Variants in DLG2 observed in about 807,000 individuals in gnomAD.
DLG2 encodes disks large homolog 2.
A neutral mutation model predicts 132.5 loss-of-function variants in DLG2; 45 were observed. The observed-to-expected ratio is 0.34, with a 90% CI of 0.27 to 0.44. The LOEUF (loss-of-function observed/expected upper bound fraction) is 0.44. Ranked by LOEUF, DLG2 falls within the 20% of genes least tolerant of loss-of-function variation. DLG2 has a pLI of 1.00. For missense variants in DLG2, 1,045 were observed against 1,196.9 expected, an observed-to-expected ratio of 0.87 and a Z score of 1.87; for synonymous variants, 424 against 419.6, an observed-to-expected ratio of 1.01 and a Z score of -0.13.
intron 7 of DLG2, among the ~76,000 whole-genome samples, chr11:84,378,953 C>A (rs2098739911): frequency 6.6e-6 from 1 of 150,934 alleles, no homozygotes; most frequent in South Asian, 2.1e-4. Flanking sequence ...TCAAAAACAT[C>A]TCAAAAACAA....
chr11:85,436,486 A>C (rs770774423), intron 3 of DLG2, among the ~76,000 whole-genome samples: 2 of 152,238 alleles, frequency 1.3e-5, no homozygotes, highest in Non-Finnish European at 2.9e-5. Flanking sequence ...AACTCCATTC[A>C]AAAGGGGGCA....
intron 19 of DLG2, among the ~76,000 whole-genome samples, chr11:83,628,871 C>T (rs930745002): frequency 1.3e-4 from 20 of 152,060 alleles, no homozygotes; most frequent in Non-Finnish European, 1.5e-5. Context: ...AGTTAATGAG[C>T]TATGATCTCC....
rs1195003315 is a variant in DLG2, at chr11:84,067,310, G to C, written c.750-7826C>G. On this transcript the variant is annotated intron_variant, in intron 10 of 27. Coordinates refer to ENST00000376104, the MANE Select transcript of DLG2 (RefSeq NM_001142699.3). ...GACCGCGCCACTGCACTCCATCCTGGGTAACAGAGCGAGACACCATCTCCA... is the reference window on the plus strand; with the variant it reads ...GACCGCGCCACTGCACTCCATCCTGCGTAACAGAGCGAGACACCATCTCCA... 3.3e-5 allele frequency among the ~76,000 whole-genome samples: 5 copies of C among 152,008 alleles called. No homozygotes were observed. The East Asian group carries it at 9.7e-4, about 29-fold the overall frequency.
intron 6 of DLG2, among the ~76,000 whole-genome samples, chr11:85,096,507 C>G (rs945054061): frequency 6.6e-6 from 1 of 151,832 alleles, no homozygotes; most frequent in African/African-American, 2.4e-5. Context: ...AAGGAAGAAA[C>G]TCCAGGCACC....
chr11:84,183,148 T>A (rs1442116745), intron 8 of DLG2, among the ~76,000 whole-genome samples: 1 of 152,142 alleles, frequency 6.6e-6, no homozygotes, highest in East Asian at 1.9e-4. Context: ...CAAAGGTGAA[T>A]CCTAACAATC....
At chr11:83,946,897 A>T (rs1417194256) in intron 14 of DLG2, among the ~76,000 whole-genome samples, 1 of 152,154 alleles carries the variant, frequency 6.6e-6, no homozygotes, top group Non-Finnish European at 1.5e-5. Flanking sequence ...CTCAGTTGCA[A>T]CTCCAACATA....
At chr11:84,894,411 C>T (rs987745902) in intron 6 of DLG2, among the ~76,000 whole-genome samples, 7 of 152,032 alleles carry the variant, frequency 4.6e-5, no homozygotes, top group South Asian at 2.1e-4. Flanking sequence ...TTCATGAATC[C>T]GCTATTCTTG....
At chr11:83,551,918 G>A in intron 19 of DLG2, among the ~76,000 whole-genome samples, 1 of 152,138 alleles carries the variant, frequency 6.6e-6, no homozygotes, top group East Asian at 1.9e-4. Flanking sequence ...TCCTACAGTT[G>A]TACAGCTTGA....
intron 3 of DLG2, among the ~76,000 whole-genome samples, chr11:85,482,152 T>G (rs916914478): frequency 1.3e-5 from 2 of 151,544 alleles, no homozygotes; most frequent in Admixed American, 6.6e-5. Context: ...GTCCCAAGCT[T>G]CAGGCCCACT....
chr11:83,480,867 A>C (rs1172700857), intron 22 of DLG2, among the ~76,000 whole-genome samples: 2 of 152,052 alleles, frequency 1.3e-5, no homozygotes, highest in East Asian at 3.9e-4. Flanking sequence ...TTTTGCTGGA[A>C]CGCTGCTCAA....
intron 3 of DLG2, among the ~76,000 whole-genome samples, chr11:85,465,902 A>T (rs2092772715): frequency 2.6e-5 from 4 of 151,980 alleles, no homozygotes; most frequent in Admixed American, 6.6e-5. Context: ...CAATGGTTGA[A>T]CTAGTTTACA....
chr11:85,423,359 C>T (rs2090467412), intron 3 of DLG2, among the ~76,000 whole-genome samples: 1 of 152,194 alleles, frequency 6.6e-6, no homozygotes, highest in Non-Finnish European at 1.5e-5. Flanking sequence ...GATCCTGTGA[C>T]AGTTCTTAGC....
intron 7 of DLG2, among the ~76,000 whole-genome samples, chr11:84,257,114 T>C (rs757622673): frequency 5.9e-5 from 9 of 152,186 alleles, no homozygotes; most frequent in Non-Finnish European, 8.8e-5. Context: ...GATAACTGTA[T>C]TGTGTATTAG....
In DLG2 at chr11:85,148,575, C is replaced by T. The variant is rs143790231; in HGVS notation, c.282+5981G>A. 2.2e-3 allele frequency among the ~76,000 whole-genome samples: 334 copies of T among 152,226 alleles called. 1 individual carries two copies. The highest frequency in any genetic ancestry group is 6.8e-3 in the Middle Eastern group (2 of 294). On this transcript the variant is annotated intron_variant, in intron 5 of 27. Coordinates refer to ENST00000376104, the MANE Select transcript of DLG2 (RefSeq NM_001142699.3). ...TATTTTGGGAAGTGTCTGTTCATGT[C>T]CTTTGCCCACTTTTTAATGGGGTTG...
At chr11:83,577,856 AATTAT>A (rs1194179120) in intron 19 of DLG2, among the ~76,000 whole-genome samples, 18 of 127,114 alleles carry the variant, frequency 1.4e-4, no homozygotes, top group African/African-American at 5.1e-4. Flanking sequence ...ATAAATATAT[AATTAT>A]ATTATAAATA....
intron 22 of DLG2, 147 bp downstream of exon 22, chr11:83,483,982 C>T (rs1002737443): frequency 4.2e-5 from 27 of 645,942 alleles, no homozygotes; most frequent in South Asian, 2.3e-4. Flanking sequence ...TGTAGTCAGA[C>T]GCTGGTCACA....
At chr11:84,758,355 T>G (rs996287067) in intron 6 of DLG2, among the ~76,000 whole-genome samples, 1 of 152,226 alleles carries the variant, frequency 6.6e-6, no homozygotes, top group African/African-American at 2.4e-5. Context: ...CATTTAGATA[T>G]GACCTGAGAC....
At chr11:84,349,107 G>A (rs149884123) in intron 7 of DLG2, among the ~76,000 whole-genome samples, 1,720 of 152,244 alleles carry the variant, frequency 0.011, 27 homozygotes, top group Middle Eastern at 0.034. Context: ...ATTACCTCCC[G>A]GTTTTAACTT....
chr11:85,612,906 C>G (rs1565762367), intron 2 of DLG2, among the ~76,000 whole-genome samples: 1 of 152,122 alleles, frequency 6.6e-6, no homozygotes, highest in Non-Finnish European at 1.5e-5. Context: ...TAACCACAAC[C>G]CCAAACAGAC....
Sources: gnomAD v4.1 joint callset for allele counts (sites outside exome capture counted in the v4.1 genomes callset) on GRCh38, gnomAD v4.1.1 for gene constraint, MANE v1.5 for transcripts, NCBI Gene and HGNC (gene_info 2026-07-23, HGNC 2026-07-21) for gene names.